The following CSMD3 variants were observed in gnomAD, a reference collection of about 807,000 sequenced individuals.
The protein encoded by CSMD3 is CUB and sushi domain-containing protein 3.
A neutral mutation model predicts 435.2 loss-of-function variants in CSMD3; 177 were observed. The observed-to-expected ratio is 0.41, with a 90% CI of 0.36 to 0.46. The LOEUF (loss-of-function observed/expected upper bound fraction) is 0.46, where lower values mean the gene tolerates loss of function less well. Ranked by LOEUF, CSMD3 falls within the 20% of genes least tolerant of loss-of-function variation. The pLI, the probability that CSMD3 is intolerant of heterozygous loss-of-function variation, is 0.34. For missense variants in CSMD3, 4,265 were observed against 4,504.6 expected, an observed-to-expected ratio of 0.95 and a Z score of 1.52; for synonymous variants, 1,656 against 1,520.5, an observed-to-expected ratio of 1.09 and a Z score of -2.07.
intron 1 of CSMD3, among the ~76,000 whole-genome samples, chr8:113,428,745 T>A (rs2094651949): frequency 1.3e-5 from 2 of 152,026 alleles, no homozygotes; most frequent in South Asian, 4.1e-4. Flanking sequence ...CTCTGATCAT[T>A]CTGGAGTCAA....
intron 37 of CSMD3, among the ~76,000 whole-genome samples, chr8:112,383,231 C>T (rs1361013405): frequency 2.0e-5 from 3 of 152,018 alleles, no homozygotes; most frequent in Non-Finnish European, 4.4e-5. Flanking sequence ...AAAGCACAGT[C>T]TAATTTTTAA....
chr8:112,237,156 A>G, intron 67 of CSMD3, 34 bp downstream of exon 67: 1 of 1,600,924 alleles, frequency 6.2e-7, no homozygotes. Flanking sequence ...TAAAGTCATG[A>G]AGGTATATTT....
intron 22 of CSMD3, among the ~76,000 whole-genome samples, chr8:112,607,068 C>T (rs988313631): frequency 7.1e-6 from 1 of 140,994 alleles, no homozygotes; most frequent in African/African-American, 2.6e-5. Flanking sequence ...ACTAGGAAAG[C>T]AATAGAAAAG....
chr8:113,164,334 T>C (rs1404770260), intron 4 of CSMD3, among the ~76,000 whole-genome samples: 4 of 151,508 alleles, frequency 2.6e-5, no homozygotes, highest in African/African-American at 9.7e-5. Context: ...GTGGCCTTAA[T>C]AATTTAGCTT....
chr8:112,604,623 T>C (rs574500568), intron 22 of CSMD3, among the ~76,000 whole-genome samples: 50 of 152,246 alleles, frequency 3.3e-4, no homozygotes, highest in African/African-American at 1.2e-3. Flanking sequence ...CCTTTCATCA[T>C]ATACAAAAAC....
At chr8:112,236,346 A>G (rs1813596975) in intron 67 of CSMD3, among the ~76,000 whole-genome samples, 1 of 152,102 alleles carries the variant, frequency 6.6e-6, no homozygotes, top group African/African-American at 2.4e-5. Context: ...AAATGCATTA[A>G]TTTGAAAATA....
At chr8:113,409,388 G>A (rs2094548174) in intron 1 of CSMD3, among the ~76,000 whole-genome samples, 2 of 151,750 alleles carry the variant, frequency 1.3e-5, no homozygotes, top group South Asian at 2.1e-4. Context: ...CGGCCAATAA[G>A]ACATTTTACT....
chr8:112,682,295 C>T, intron 16 of CSMD3, 147 bp downstream of exon 16: 1 of 694,302 alleles, frequency 1.4e-6, no homozygotes, highest in South Asian at 1.8e-5. Flanking sequence ...AGTGTAATTT[C>T]CTTAACAAGA....
intron 27 of CSMD3, among the ~76,000 whole-genome samples, chr8:112,541,538 C>T (rs1826662873): frequency 6.6e-6 from 1 of 151,604 alleles, no homozygotes; most frequent in South Asian, 2.1e-4. Context: ...ATACAGTCTA[C>T]CAAGACTAAA....
intron 4 of CSMD3, among the ~76,000 whole-genome samples, chr8:113,116,857 C>T (rs1369551982): frequency 4.6e-5 from 7 of 152,064 alleles, no homozygotes; most frequent in Non-Finnish European, 1.0e-4. Context: ...GTCACTCTTG[C>T]TATGCAAAAA....
intron 38 of CSMD3, among the ~76,000 whole-genome samples, chr8:112,373,212 T>C (rs1266282800): frequency 6.6e-6 from 1 of 151,902 alleles, no homozygotes; most frequent in Non-Finnish European, 1.5e-5. Flanking sequence ...CACTATCCTT[T>C]TTTATAGAAA....
intron 7 of CSMD3, among the ~76,000 whole-genome samples, chr8:112,970,156 G>C (rs1191249780): frequency 6.6e-6 from 1 of 151,662 alleles, no homozygotes; most frequent in Admixed American, 6.6e-5. Flanking sequence ...TAGAAATCCA[G>C]GAAAATTTAC....
chr8:112,506,771 A>G lies in CSMD3; in HGVS notation c.4815T>C (p.Pro1605=). 1 of 1,613,676 alleles carries G rather than the reference A, an allele frequency of 6.2e-7. No homozygotes were observed. The highest frequency in any genetic ancestry group is 8.5e-7 in the Non-Finnish European group (1 of 1,179,610). The part of the protein sequence containing the change: ...SSGFILSPNF[P]HPYPHSRDCD... ...AGTCTCTGCTATGCGGATATGGATGAGGGAAGTTTGGTGAAAGAATAAAGC... is the reference window on the plus strand; with the variant it reads ...AGTCTCTGCTATGCGGATATGGATGGGGGAAGTTTGGTGAAAGAATAAAGC... The change falls in exon 29 of 71, where the codon CCT becomes CCC. Residue 1605 remains proline, a synonymous_variant. Coordinates refer to ENST00000297405, the MANE Select transcript of CSMD3 (RefSeq NM_198123.2).
chr8:113,278,341 C>T (rs1355897864), intron 3 of CSMD3, among the ~76,000 whole-genome samples: 2 of 151,830 alleles, frequency 1.3e-5, no homozygotes, highest in African/African-American at 4.8e-5. Context: ...TCCTATTACT[C>T]TCACATTTAA....
intron 6 of CSMD3, among the ~76,000 whole-genome samples, chr8:113,017,114 C>A (rs1428421846): frequency 6.6e-6 from 1 of 151,932 alleles, no homozygotes; most frequent in Non-Finnish European, 1.5e-5. Flanking sequence ...TAAATCCCAT[C>A]CCTCTTTTGA....
chr8:112,609,946 A>C (rs1833127607), intron 22 of CSMD3, among the ~76,000 whole-genome samples: 4 of 151,958 alleles, frequency 2.6e-5, no homozygotes. Flanking sequence ...CCATGATCTC[A>C]TGTACATGTG....
chr8:113,401,112 T>C (rs181104410), intron 1 of CSMD3, among the ~76,000 whole-genome samples: 42 of 151,798 alleles, frequency 2.8e-4, no homozygotes, highest in African/African-American at 1.0e-3. Context: ...CATCCTGACA[T>C]CTCAATTAAG....
At chr8:113,038,129 G>C (rs1194128055) in intron 5 of CSMD3, among the ~76,000 whole-genome samples, 2 of 152,166 alleles carry the variant, frequency 1.3e-5, no homozygotes, top group Non-Finnish European at 2.9e-5. Context: ...GGCAGGAACA[G>C]AGAATGAGTT....
intron 13 of CSMD3, among the ~76,000 whole-genome samples, chr8:112,751,559 T>C (rs2077570408): frequency 6.6e-6 from 1 of 151,966 alleles, no homozygotes; most frequent in African/African-American, 2.4e-5. Flanking sequence ...AATATTCTTA[T>C]GGATCTGATT....
Sources: allele counts gnomAD v4.1 joint callset (sites outside exome capture counted in the v4.1 genomes callset), GRCh38; gene constraint gnomAD v4.1.1; transcripts MANE v1.5; gene names NCBI Gene and HGNC (gene_info 2026-07-23, HGNC 2026-07-21).